Variants in TMEM108 observed in about 807,000 individuals in gnomAD.
TMEM108 encodes the protein cancer/testis antigen 124.
TMEM108 carries 12 observed loss-of-function variants against 35.1 expected under a neutral mutation model. The observed-to-expected ratio is 0.34, with a 90% CI of 0.22 to 0.55. The LOEUF (loss-of-function observed/expected upper bound fraction) is 0.55. TMEM108 is among the 20% of genes least tolerant of loss of function. The pLI, the probability that TMEM108 is intolerant of heterozygous loss-of-function variation, is 0.89. For synonymous variants in TMEM108, 287 were observed against 308.6 expected, an observed-to-expected ratio of 0.93 and a Z score of 0.73; for missense variants, 680 against 753.3, an observed-to-expected ratio of 0.90 and a Z score of 1.14.
chr3:133,249,816 T>A (rs1024303028), intron 3 of TMEM108, among the ~76,000 whole-genome samples: 1 of 152,190 alleles, frequency 6.6e-6, no homozygotes, highest in Non-Finnish European at 1.5e-5. Flanking sequence ...GAATAAATTT[T>A]CACTACATTA....
At chr3:133,160,174 T>C (rs1944941109) in intron 2 of TMEM108, among the ~76,000 whole-genome samples, 1 of 152,202 alleles carries the variant, frequency 6.6e-6, no homozygotes, top group African/African-American at 2.4e-5. Flanking sequence ...GGGCTGCTGC[T>C]CCTTTTGTGG....
intron 2 of TMEM108, among the ~76,000 whole-genome samples, chr3:133,078,220 A>G (rs1339597326): frequency 6.7e-6 from 1 of 149,200 alleles, no homozygotes; most frequent in South Asian, 2.1e-4. Context: ...AGTGACTCAC[A>G]TATGTGCTCC....
At chr3:133,341,618 A>G (rs1022611150) in intron 3 of TMEM108, among the ~76,000 whole-genome samples, 1 of 151,936 alleles carries the variant, frequency 6.6e-6, no homozygotes, top group South Asian at 2.1e-4. Context: ...TGGAAGAATC[A>G]TATTACTTGA....
chr3:133,296,203 T>C (rs1010986814), intron 3 of TMEM108, among the ~76,000 whole-genome samples: 4 of 152,212 alleles, frequency 2.6e-5, no homozygotes, highest in Non-Finnish European at 5.9e-5. Context: ...AGAATTTTCC[T>C]ATATATCAAA....
intron 1 of TMEM108, among the ~76,000 whole-genome samples, chr3:133,039,754 G>C (rs922793304): frequency 6.6e-6 from 1 of 152,068 alleles, no homozygotes; most frequent in Admixed American, 6.5e-5. Context: ...ACTCTTTCTG[G>C]TATGAGATGG....
At chr3:133,278,366 A>C (rs1343799769) in intron 3 of TMEM108, among the ~76,000 whole-genome samples, 2 of 152,248 alleles carry the variant, frequency 1.3e-5, no homozygotes, top group Non-Finnish European at 2.9e-5. Context: ...CTGGTGTTCC[A>C]TATAGTTGGT....
At chr3:133,063,435 A>C (rs1489458345) in intron 2 of TMEM108, among the ~76,000 whole-genome samples, 3 of 152,182 alleles carry the variant, frequency 2.0e-5, no homozygotes, top group African/African-American at 7.2e-5. Context: ...CTTGAAGTTC[A>C]GGGAATGTGG....
intron 2 of TMEM108, among the ~76,000 whole-genome samples, chr3:133,185,784 C>CTTTTTTTTT (rs11309146): frequency 7.9e-6 from 1 of 127,092 alleles, no homozygotes; most frequent in Non-Finnish European, 1.6e-5. Context: ...CTTTTCTTTT[C>CTTTTTTTTT]TTTTTTTTTT....
intron 3 of TMEM108, among the ~76,000 whole-genome samples, chr3:133,360,153 C>A (rs1352415295): frequency 6.6e-6 from 1 of 151,810 alleles, no homozygotes; most frequent in Non-Finnish European, 1.5e-5. Context: ...AAGAAACCTA[C>A]AGTGATAGAA....
intron 2 of TMEM108, among the ~76,000 whole-genome samples, chr3:133,131,616 C>G (rs906520656): frequency 3.1e-4 from 47 of 150,782 alleles, no homozygotes; most frequent in African/African-American, 1.1e-3. Flanking sequence ...TACTTCTGTC[C>G]CTCTCATTGG....
At chr3:133,342,624 C>G (rs1314603765) in intron 3 of TMEM108, among the ~76,000 whole-genome samples, 2 of 138,326 alleles carry the variant, frequency 1.4e-5, no homozygotes, top group South Asian at 2.3e-4. Context: ...ACAAATAAGC[C>G]TAGAGGACAT....
chr3:133,370,919 T>TGTGTGTGTGC (rs528508777), intron 3 of TMEM108, among the ~76,000 whole-genome samples: 5 of 136,790 alleles, frequency 3.7e-5, no homozygotes, highest in East Asian at 4.5e-4. Context: ...TGTGTGTGTG[T>TGTGTGTGTGC]GTGCCAGGAA....
intron 3 of TMEM108, among the ~76,000 whole-genome samples, chr3:133,357,084 G>C (rs2072195026): frequency 6.6e-6 from 1 of 152,000 alleles, no homozygotes; most frequent in Admixed American, 6.6e-5. Flanking sequence ...ACTTAAATCA[G>C]CAAGACAAAA....
chr3:133,139,764 C>T lies in TMEM108; in HGVS notation c.-46-89502C>T, dbSNP rs183109401. Among the ~76,000 whole-genome samples, 18 of 152,324 alleles carry T rather than the reference C, an allele frequency of 1.2e-4. No homozygotes were observed. In the East Asian group the frequency reaches 3.1e-3, roughly 26 times the overall value. ...TGTGTTTGCTCGTTCCAACCAGTAT[C>T]AAAACCTAGGCTAGCCTTGATGTTA... On this transcript the variant is annotated intron_variant, in intron 2 of 5. Coordinates refer to ENST00000321871, the MANE Select transcript of TMEM108 (RefSeq NM_023943.4).
intron 2 of TMEM108, among the ~76,000 whole-genome samples, chr3:133,154,402 C>T (rs1261642953): frequency 1.3e-5 from 2 of 152,008 alleles, no homozygotes; most frequent in African/African-American, 4.8e-5. Context: ...AGGTTTTCTT[C>T]TAGGGTTTTT....
intron 3 of TMEM108, among the ~76,000 whole-genome samples, chr3:133,376,036 G>C (rs942303656): frequency 6.6e-6 from 1 of 152,230 alleles, no homozygotes; most frequent in African/African-American, 2.4e-5. Flanking sequence ...TAACTCTACA[G>C]TTCTAGAGAG....
At chr3:133,159,603 G>T (rs1944932338) in intron 2 of TMEM108, among the ~76,000 whole-genome samples, 1 of 152,138 alleles carries the variant, frequency 6.6e-6, no homozygotes, top group Admixed American at 6.5e-5. Flanking sequence ...CTAACTCTGG[G>T]CCAGGGACTG....
intron 3 of TMEM108, among the ~76,000 whole-genome samples, chr3:133,311,294 C>G (rs1165823636): frequency 1.3e-5 from 2 of 152,176 alleles, no homozygotes; most frequent in Non-Finnish European, 1.5e-5. Context: ...TGGATAATAT[C>G]CTGAAGAGTA....
chr3:133,130,810 T>C (rs1250080377), intron 2 of TMEM108, among the ~76,000 whole-genome samples: 1 of 152,206 alleles, frequency 6.6e-6, no homozygotes, highest in East Asian at 1.9e-4. Context: ...GATGCATCTC[T>C]GGGCCTTTCT....
Sources: allele counts gnomAD v4.1 joint callset (sites outside exome capture counted in the v4.1 genomes callset), GRCh38; gene constraint gnomAD v4.1.1; transcripts MANE v1.5; gene names NCBI Gene and HGNC (gene_info 2026-07-23, HGNC 2026-07-21).